The following SOX5 variants were observed in gnomAD, a reference collection of about 807,000 sequenced individuals.
SOX5 encodes the protein transcription factor SOX-5.
In SOX5, 9 loss-of-function variants were observed where a neutral mutation model predicts 92.0. That is an observed-to-expected ratio of 0.10 (90% CI 0.06 to 0.17). The LOEUF (loss-of-function observed/expected upper bound fraction) is 0.17, where lower values mean the gene tolerates loss of function less well. SOX5 is among the 10% of genes least tolerant of loss of function. The pLI, the probability that SOX5 is intolerant of heterozygous loss-of-function variation, is 1.00. For missense variants in SOX5, 642 were observed against 944.5 expected (o/e 0.68, Z 4.20); for synonymous variants, 344 against 336.3 (o/e 1.02, Z -0.25).
chr12:24,312,228 CT>C (rs1009618285), intron 2 of SOX5, among the ~76,000 whole-genome samples: 9 of 152,156 alleles, frequency 5.9e-5, no homozygotes, highest in African/African-American at 1.4e-4. Flanking sequence ...TTAATCTAAA[CT>C]TTTTTTGTAT....
intron 6 of SOX5, among the ~76,000 whole-genome samples, chr12:23,708,586 GCA>G (rs1309218504): frequency 6.6e-6 from 1 of 152,164 alleles, no homozygotes; most frequent in Non-Finnish European, 1.5e-5. Flanking sequence ...TGACAGCAAT[GCA>G]CAGAGCTGAC....
chr12:23,926,240 C>G (rs573033857), intron 1 of SOX5, among the ~76,000 whole-genome samples: 1 of 152,154 alleles, frequency 6.6e-6, no homozygotes, highest in Admixed American at 6.5e-5. Flanking sequence ...AGAAGATGCA[C>G]TGTAAGAAGA....
intron 11 of SOX5, among the ~76,000 whole-genome samples, chr12:23,560,619 A>G (rs1457262336): frequency 3.9e-5 from 6 of 152,246 alleles, no homozygotes; most frequent in Admixed American, 3.9e-4. Flanking sequence ...TGTAAGTTCT[A>G]TAAAGGCAGA....
chr12:23,542,175 T>C (rs1309480286), intron 13 of SOX5, among the ~76,000 whole-genome samples: 1 of 152,244 alleles, frequency 6.6e-6, no homozygotes, highest in Non-Finnish European at 1.5e-5. Flanking sequence ...AAAGTGATAC[T>C]ATTTTTATAA....
intron 2 of SOX5, among the ~76,000 whole-genome samples, chr12:24,299,725 A>C (rs1016916593): frequency 6.6e-6 from 1 of 152,218 alleles, no homozygotes; most frequent in Admixed American, 6.5e-5. Flanking sequence ...AAATAAAACG[A>C]ATTTATCCCT....
At chr12:23,747,348 C>T (rs1411214497) in intron 4 of SOX5, among the ~76,000 whole-genome samples, 3 of 152,104 alleles carry the variant, frequency 2.0e-5, no homozygotes, top group Admixed American at 6.6e-5. Context: ...AATCCATTCT[C>T]CAAACAAACG....
At chr12:24,352,501 C>T (rs902551294) in intron 2 of SOX5, among the ~76,000 whole-genome samples, 3 of 152,266 alleles carry the variant, frequency 2.0e-5, no homozygotes, top group East Asian at 1.9e-4. Context: ...TCAGGGCTGG[C>T]GGCGGCTAGA....
In SOX5 at chr12:23,604,411, T is replaced by C. The variant is rs1045327545; in HGVS notation, c.1140A>G (p.Thr380=). Residue 380 remains threonine, a synonymous_variant, in exon 9 of 15, where the codon ACA becomes ACG. Coordinates refer to ENST00000451604, the MANE Select transcript of SOX5 (RefSeq NM_006940.6). ...SPTSIHTDKS[T]NSPPPKSKDE... ...CCTTGCTTTTGGGTGGTGGGCTGTTTGTGCTCTTGTCTGTGTGAATGCTGG... is the reference window on the plus strand; with the variant it reads ...CCTTGCTTTTGGGTGGTGGGCTGTTCGTGCTCTTGTCTGTGTGAATGCTGG... The C allele has an allele frequency of 2.5e-6, 4 of 1,613,752 alleles. No individual in the cohort carries two copies. The highest frequency in any genetic ancestry group is 3.4e-6 in the Non-Finnish European group (4 of 1,179,748).
intron 4 of SOX5, among the ~76,000 whole-genome samples, chr12:24,040,319 T>C (rs1956399952): frequency 6.6e-6 from 1 of 152,226 alleles, no homozygotes; most frequent in Non-Finnish European, 1.5e-5. Context: ...CTTTCTAAAC[T>C]ATTAAATGGT....
chr12:24,005,201 C>T (rs770757571), intron 4 of SOX5, among the ~76,000 whole-genome samples: 1 of 151,614 alleles, frequency 6.6e-6, no homozygotes, highest in Non-Finnish European at 1.5e-5. Context: ...AAAAAAATCA[C>T]TGAATTGTAT....
At chr12:23,770,679 G>A (rs1053629316) in intron 3 of SOX5, among the ~76,000 whole-genome samples, 1 of 152,126 alleles carries the variant, frequency 6.6e-6, no homozygotes, top group African/African-American at 2.4e-5. Flanking sequence ...GCTGGGAACT[G>A]TCATCCCATC....
rs1168158900 is a variant in SOX5 at position 23,859,327 on chromosome 12, G to A, written c.271-13134C>T. Among the ~76,000 whole-genome samples the A allele has an allele frequency of 2.0e-5, 3 of 152,144 alleles. No homozygotes were observed. In the East Asian group the frequency reaches 5.8e-4, roughly 29 times the overall value. ...CTGGGGAAGGAATGCATTTCCAGGG[G>A]TAGGCCTACAGACGACCGCTCTGGG... On this transcript the variant is annotated intron_variant, in intron 2 of 14. Transcript: ENST00000451604.
At chr12:23,842,854 A>C (rs1438891306) in intron 3 of SOX5, among the ~76,000 whole-genome samples, 1 of 152,060 alleles carries the variant, frequency 6.6e-6, no homozygotes, top group Admixed American at 6.6e-5. Flanking sequence ...TAGTAACATA[A>C]CTCCCTATTC....
chr12:24,196,810 G>A (rs1276626544), intron 4 of SOX5, among the ~76,000 whole-genome samples: 4 of 152,164 alleles, frequency 2.6e-5, no homozygotes, highest in African/African-American at 9.6e-5. Context: ...GGCTGAGTTG[G>A]GAGGATTGCT....
chr12:24,549,686 A>G (rs1265605350), intron 1 of SOX5, among the ~76,000 whole-genome samples: 1 of 152,196 alleles, frequency 6.6e-6, no homozygotes, highest in Non-Finnish European at 1.5e-5. Flanking sequence ...TCACAAGCAA[A>G]TTATTCTTGA....
Position 23,600,536 on chromosome 12 carries a change from TATATATATATATATATACAC to T in SOX5, c.1164+3831_1164+3850del, listed in dbSNP as rs1357709752. Among the ~76,000 whole-genome samples, 39 of 119,272 alleles carry T rather than the reference TATATATATATATATATACAC, an allele frequency of 3.3e-4. 2 individuals carry two copies. In the South Asian group the frequency reaches 7.1e-3, roughly 22 times the overall value. The allele number at this position is 119,272 out of a possible 152,430, so 78.2% of individuals were successfully genotyped here. On this transcript the variant is annotated intron_variant, in intron 9 of 14. Transcript: ENST00000451604. ...CGGGGGGGGTGCATATATATATATA[TATATATATATATATATACAC>T]ATACTTGGCTTGGGACTAAAAAAAC...
chr12:24,118,898 G>A (rs1403964379), intron 4 of SOX5, among the ~76,000 whole-genome samples: 1 of 152,116 alleles, frequency 6.6e-6, no homozygotes, highest in Non-Finnish European at 1.5e-5. Context: ...TTACGCAAGT[G>A]AAAATTCTCT....
At chr12:23,995,706 AT>A (rs568561976) in intron 4 of SOX5, among the ~76,000 whole-genome samples, 2 of 152,114 alleles carry the variant, frequency 1.3e-5, no homozygotes, top group Admixed American at 1.3e-4. Context: ...AATTACAAAA[AT>A]TTTTTTGAGT....
chr12:24,186,126 GGATATTACCAGGCA>G (rs1168402504), intron 4 of SOX5, among the ~76,000 whole-genome samples: 1 of 151,994 alleles, frequency 6.6e-6, no homozygotes, highest in Admixed American at 6.6e-5. Flanking sequence ...AGAATAAGTA[GGATATTACCAGGCA>G]GAAACAAAAA....
Sources: allele counts gnomAD v4.1 joint callset (sites outside exome capture counted in the v4.1 genomes callset), GRCh38; gene constraint gnomAD v4.1.1; transcripts MANE v1.5; gene names NCBI Gene and HGNC (gene_info 2026-07-23, HGNC 2026-07-21).